Variants in DNAH12 observed in about 807,000 individuals in gnomAD.
DNAH12 encodes the protein dynein axonemal heavy chain 12, also known as axonemal beta dynein heavy chain 12.
DNAH12 carries 285 observed loss-of-function variants against 371.5 expected under a neutral mutation model. The ratio of observed to expected loss-of-function variants is 0.77; its 90% CI spans 0.70 to 0.85. The LOEUF (loss-of-function observed/expected upper bound fraction) is 0.85. Ranked by LOEUF, DNAH12 falls within the 40% of genes least tolerant of loss-of-function variation. The pLI is 0.00. For missense variants in DNAH12, 3,611 were observed against 3,689.4 expected (o/e 0.98, Z 0.55); for synonymous variants, 1,200 against 1,213.0 (o/e 0.99, Z 0.22).
chr3:57,342,747 C>G (rs1033574875), intron 60 of DNAH12, among the ~76,000 whole-genome samples: 1 of 149,614 alleles, frequency 6.7e-6, no homozygotes, highest in Non-Finnish European at 1.5e-5. Flanking sequence ...GGAACTCAGA[C>G]ATGTCAACAG....
chr3:57,498,726 G>A (rs892948022), intron 11 of DNAH12, among the ~76,000 whole-genome samples: 5 of 152,124 alleles, frequency 3.3e-5, no homozygotes, highest in African/African-American at 4.8e-5. Context: ...TAGGCTAGGC[G>A]CGGTGGCTCA....
chr3:57,299,811 G>GTCTGT (rs1190779371), intron 70 of DNAH12, among the ~76,000 whole-genome samples: 1 of 152,036 alleles, frequency 6.6e-6, no homozygotes, highest in African/African-American at 2.4e-5. Context: ...AGAAATAAAT[G>GTCTGT]TCTGTTCTTT....
rs756394262 is a variant in DNAH12 at position 57,431,402 on chromosome 3, CTT to C, written c.4981-1630_4981-1629del. On this transcript the variant is annotated intron_variant, in intron 32 of 73. Coordinates refer to ENST00000495027, the MANE Select transcript of DNAH12 (RefSeq NM_001366028.2). ...CACCTTGCTCCACTCCAGCTGTCCA[CTT>C]TATGTATCTGGGACCTTCTCTCCAG... Among the ~76,000 whole-genome samples the C allele has an allele frequency of 4.9e-4, 74 of 152,320 alleles. No homozygotes were observed. In the Middle Eastern group the frequency reaches 0.01, roughly 21 times the overall value.
intron 23 of DNAH12, among the ~76,000 whole-genome samples, chr3:57,453,962 T>C (rs2065832077): frequency 6.6e-6 from 1 of 151,902 alleles, no homozygotes; most frequent in African/African-American, 2.4e-5. Flanking sequence ...ATTTTTAAAT[T>C]AGCCAGATGT....
chr3:57,362,154 G>A (rs913738941), intron 58 of DNAH12, among the ~76,000 whole-genome samples: 1 of 151,986 alleles, frequency 6.6e-6, no homozygotes, highest in Non-Finnish European at 1.5e-5. Context: ...CAGAATGATG[G>A]TTTCCACCAG....
In DNAH12 at chr3:57,296,402, C is replaced by T. The variant is rs1271926884; in HGVS notation, c.11566G>A (p.Glu3856Lys). The change falls in exon 72 of 74, where the codon GAA becomes AAA. Residue 3856 changes from glutamate to lysine, a missense_variant. Physicochemically the swap from Glu to Lys is moderately conservative, Grantham distance 56. Around this residue, in one of 3 missense-constraint regions of DNAH12, gnomAD observed 2,266 missense variants for 2,236.9 expected, o/e 1.01. Transcript: ENST00000495027. ...AGTCCGTGGATATAAACACCATCTT[C>T]TGGTGATGTGTCAGATGTATCAGAT... Reference protein sequence around the residue: ...IPSDTSDTSPEDGVYIHGLYL... With the variant: ...IPSDTSDTSPKDGVYIHGLYL... 2 of 1,550,982 alleles carry T rather than the reference C, an allele frequency of 1.3e-6. No homozygotes were observed. The highest frequency in any genetic ancestry group is 1.7e-6 in the Non-Finnish European group (2 of 1,146,618).
intron 29 of DNAH12, among the ~76,000 whole-genome samples, chr3:57,443,860 A>G (rs2065389514): frequency 1.3e-5 from 2 of 152,200 alleles, no homozygotes; most frequent in Admixed American, 6.5e-5. Context: ...AGTGTAATAC[A>G]CTATTACAGT....
intron 60 of DNAH12, among the ~76,000 whole-genome samples, chr3:57,351,670 T>C (rs2062678449): frequency 6.6e-6 from 1 of 152,194 alleles, no homozygotes. Context: ...AAAGAATACA[T>C]ATTACTTGCT....
chr3:57,339,380 TAAA>T (rs59005430), intron 60 of DNAH12, among the ~76,000 whole-genome samples: 2 of 113,350 alleles, frequency 1.8e-5, no homozygotes, highest in African/African-American at 3.5e-5. Context: ...CAATAAATAC[TAAA>T]AAAAAAAAAA....
In DNAH12 at chr3:57,357,164, G is replaced by C. The variant is rs1416989358; in HGVS notation, c.9533+12C>G. Reference sequence around the variant, plus strand: ...AACCTCGGGAAGATGAATAAAGCGAGAGAATGTTTACCTGTCATGAATAGA... The same window carrying C: ...AACCTCGGGAAGATGAATAAAGCGACAGAATGTTTACCTGTCATGAATAGA... On this transcript the variant is annotated intron_variant, in intron 59 of 73. Transcript: ENST00000495027. 6.6e-6 allele frequency: 1 copy of C among 152,122 alleles called. No individual in the cohort carries two copies. Among genetic ancestry groups the C allele is most frequent in the East Asian group, 1.9e-4 (1 of 5,186 alleles). The allele number at this position is 152,122 out of a possible 1,614,324, so 9.4% of individuals were successfully genotyped here.
intron 43 of DNAH12, among the ~76,000 whole-genome samples, chr3:57,400,396 C>G (rs1575546398): frequency 6.6e-6 from 1 of 152,122 alleles, no homozygotes; most frequent in Admixed American, 6.5e-5. Context: ...ATATATGAAG[C>G]AAACTTTGGC....
At position 57,462,878 on chromosome 3, in the gene DNAH12, A is replaced by G. The variant is rs2066097079; in HGVS notation, c.2350-3T>C. On this transcript the variant is annotated splice_polypyrimidine_tract_variant and splice_region_variant and intron_variant, in intron 17 of 73. Transcript: ENST00000495027. ...ATGGAGACAGTAGGAATATATTCCT[A>G]ATGGCAAAAATATAAACAATTATGA... 3 of 1,546,986 alleles carry G rather than the reference A, an allele frequency of 1.9e-6. No individual in the cohort carries two copies. The South Asian group carries it at 3.6e-5, about 18-fold the overall frequency.
chr3:57,441,258 T>C (rs984704755), intron 29 of DNAH12, among the ~76,000 whole-genome samples: 1 of 151,980 alleles, frequency 6.6e-6, no homozygotes, highest in African/African-American at 2.4e-5. Context: ...GATCAAAATA[T>C]GTGAAATTAA....
In DNAH12 at chr3:57,368,274, A is replaced by G. The variant is rs2063093576; in HGVS notation, c.8760-14T>C. The G allele has an allele frequency of 6.6e-6, 1 of 152,230 alleles. No individual in the cohort carries two copies. Among genetic ancestry groups the G allele is most frequent in the African/African-American group, 2.4e-5 (1 of 41,468 alleles). 9.4% of individuals were successfully genotyped at this position (152,230 alleles called of 1,614,324 possible). A position where few individuals can be genotyped will look rare whatever the true frequency, so the allele number is the denominator to read the frequency against. The stretch of plus-strand genomic sequence containing the variant: ...ATCATTAAAGGCCTAGAATATAATA[A>G]GAAAAATTCTGAGAGGAAGACATAG... On this transcript the variant is annotated splice_polypyrimidine_tract_variant and intron_variant, in intron 55 of 73. Coordinates refer to ENST00000495027, the MANE Select transcript of DNAH12 (RefSeq NM_001366028.2).
chr3:57,415,382 CA>C lies in DNAH12; in HGVS notation c.5853+43del, dbSNP rs144197714. On this transcript the variant is annotated intron_variant, in intron 38 of 73. Transcript: ENST00000495027. ...AATTTTAAACACTGAGCAAATAAGA[CA>C]AAAAAATTAACGATAGACCCCCATT... 6,689 of 1,535,272 alleles carry C rather than the reference CA, an allele frequency of 4.4e-3. 19 individuals carry two copies. The highest frequency in any genetic ancestry group is 5.1e-3 in the Non-Finnish European group (5,830 of 1,143,122).
chr3:57,520,631 C>T (rs1295195079), intron 4 of DNAH12, among the ~76,000 whole-genome samples: 1 of 151,206 alleles, frequency 6.6e-6, no homozygotes, highest in Non-Finnish European at 1.5e-5. Context: ...TTAGTAGAGA[C>T]GGGGTTTCAC....
At chr3:57,459,200 A>G (rs2065983970) in intron 20 of DNAH12, among the ~76,000 whole-genome samples, 2 of 152,186 alleles carry the variant, frequency 1.3e-5, no homozygotes, top group South Asian at 4.1e-4. Flanking sequence ...GAGTACACAG[A>G]GTCACTAGTA....
chr3:57,536,637 C>T (rs1298586081), intron 2 of DNAH12, among the ~76,000 whole-genome samples: 1 of 152,210 alleles, frequency 6.6e-6, no homozygotes, highest in Non-Finnish European at 1.5e-5. Context: ...CTTCATCCAT[C>T]ATTTCTCCCT....
In DNAH12 at chr3:57,353,160, C is replaced by T. The variant is rs1230674831; in HGVS notation, c.9534-935G>A. Among the ~76,000 whole-genome samples, 3 of 152,050 alleles carry T rather than the reference C, an allele frequency of 2.0e-5. No individual in the cohort carries two copies. In the East Asian group the frequency reaches 5.8e-4, roughly 29 times the overall value. On this transcript the variant is annotated intron_variant, in intron 59 of 73. Transcript: ENST00000495027. Reference sequence around the variant, plus strand: ...AGTTACTGGGTGGAGTTGACTGATACTCTTTATACTCTCATATTCCAAAAA... The same window carrying T: ...AGTTACTGGGTGGAGTTGACTGATATTCTTTATACTCTCATATTCCAAAAA...
Sources: allele counts gnomAD v4.1 joint callset (sites outside exome capture counted in the v4.1 genomes callset), GRCh38; gene constraint gnomAD v4.1.1; regional missense constraint gnomAD v4.1.1; transcripts MANE v1.5; gene names NCBI Gene and HGNC (gene_info 2026-07-23, HGNC 2026-07-21).